GPALPP1: variants seen among roughly 807,000 people sequenced by gnomAD.
GPALPP1 encodes the protein GPALPP motifs-containing protein 1.
Under a neutral mutation model 38.9 loss-of-function variants are expected in GPALPP1, and 30 were observed. The observed-to-expected ratio is 0.77, with a 90% CI of 0.58 to 1.05. The LOEUF (loss-of-function observed/expected upper bound fraction) is 1.05, where lower values mean the gene tolerates loss of function less well. Among genes scored for constraint, GPALPP1 ranks in the 50% least tolerant of loss-of-function variants. GPALPP1 has a pLI of 0.00. For missense variants in GPALPP1, 384 were observed against 408.8 expected, an observed-to-expected ratio of 0.94 and a Z score of 0.52; for synonymous variants, 120 against 139.2, an observed-to-expected ratio of 0.86 and a Z score of 0.97.
chr13:45,032,811 G>A (rs1301870538), downstream of GPALPP1, among the ~76,000 whole-genome samples: 4 of 151,408 alleles, frequency 2.6e-5, no homozygotes, highest in Middle Eastern at 3.4e-3. Context: ...CAAGGCAGGC[G>A]GATTGCCTGA....
chr13:45,011,088 A>G (rs903449547), intron 4 of GPALPP1, among the ~76,000 whole-genome samples: 1 of 152,234 alleles, frequency 6.6e-6, no homozygotes. Context: ...GGCAAGGAAC[A>G]TTGTTCCAGA....
At chr13:45,016,541 A>G (rs1874885334) in intron 6 of GPALPP1, among the ~76,000 whole-genome samples, 1 of 152,210 alleles carries the variant, frequency 6.6e-6, no homozygotes. Flanking sequence ...TTTATTACAA[A>G]ATATTTCATT....
Position 45,014,975 on chromosome 13 carries a change from G to A in GPALPP1, c.432G>A (p.Glu144=), listed in dbSNP as rs776969729. The part of the protein sequence containing the change: ...GQQETDSSED[E]DIIGPMPAKG... ...AGGAAACAGACAGCAGTGAAGATGA[G>A]GATATTATTGGACCAATGCCTGCAA... is the stretch of plus-strand genomic sequence containing the variant. Residue 144 remains glutamate (E), a synonymous_variant, in exon 5 of 8, where the codon GAG becomes GAA. Coordinates refer to ENST00000379151, the MANE Select transcript of GPALPP1 (RefSeq NM_018559.5). The A allele has an allele frequency of 2.5e-6, 4 of 1,604,522 alleles. No individual in the cohort carries two copies. In the South Asian group the frequency reaches 4.5e-5, roughly 18 times the overall value.
chr13:45,026,602 A>T (rs1353980125), intron 7 of GPALPP1, among the ~76,000 whole-genome samples: 6 of 152,214 alleles, frequency 3.9e-5, no homozygotes, highest in Non-Finnish European at 2.9e-5. Context: ...CTTCCCCCTC[A>T]AGTACATTCT....
At chr13:45,032,964 G>T (rs1180763358), downstream of GPALPP1, among the ~76,000 whole-genome samples, 1 of 151,510 alleles carries the variant, frequency 6.6e-6, no homozygotes, top group African/African-American at 2.4e-5. Context: ...TTGAACCCAG[G>T]AGGCGGAGGT....
At chr13:45,000,861 C>T (rs1873622837) in intron 1 of GPALPP1, among the ~76,000 whole-genome samples, 1 of 152,168 alleles carries the variant, frequency 6.6e-6, no homozygotes, top group Non-Finnish European at 1.5e-5. Context: ...TTGATGTTTT[C>T]CTTTTTGCTG....
intron 1 of GPALPP1, among the ~76,000 whole-genome samples, chr13:44,993,190 A>C (rs1274498368): frequency 1.3e-5 from 2 of 152,106 alleles, no homozygotes; most frequent in Admixed American, 1.3e-4. Flanking sequence ...TTGTTTATTC[A>C]TCTGTTGCTG....
Position 45,004,372 on chromosome 13 carries a change from C to T in GPALPP1, c.156C>T (p.Asp52=), listed in dbSNP as rs1220499756. The change falls in exon 2 of 8, where the codon GAC becomes GAT. Residue 52 remains aspartate, a synonymous_variant. Transcript: ENST00000379151. ...CAGATTCATCAGACAGCGATGAAGA[C>T]AGTAGTTCTTTGTACGAAGAAGGAA... ...SSSDSSDSDE[D]SSSLYEEGNQ... 3 of 1,604,130 alleles carry T rather than the reference C, an allele frequency of 1.9e-6. No homozygotes were observed. The highest frequency in any genetic ancestry group is 8.5e-7 in the Non-Finnish European group (1 of 1,170,986).
intron 1 of GPALPP1, among the ~76,000 whole-genome samples, chr13:44,998,980 A>G (rs1245564206): frequency 2.6e-5 from 4 of 152,234 alleles, no homozygotes. Context: ...GGACAACTGT[A>G]CTTTTGACTG....
intron 4 of GPALPP1, among the ~76,000 whole-genome samples, chr13:45,010,215 T>C (rs943082376): frequency 6.6e-6 from 1 of 152,232 alleles, no homozygotes; most frequent in Admixed American, 6.5e-5. Context: ...TGAGCCTTTA[T>C]GCCTGCTGTC....
At chr13:45,030,432 T>C (rs1170286975), downstream of GPALPP1, 3 of 152,284 alleles carry the variant, frequency 2.0e-5, no homozygotes, top group African/African-American at 7.2e-5. Flanking sequence ...CAGGCTGGAG[T>C]AGAGTGGCGT....
chr13:45,017,811 A>C (rs1874980130), intron 6 of GPALPP1, among the ~76,000 whole-genome samples: 2 of 152,340 alleles, frequency 1.3e-5, no homozygotes, highest in Non-Finnish European at 2.9e-5. Context: ...TAGTATTTGC[A>C]GTGGACTCAT....
intron 4 of GPALPP1, among the ~76,000 whole-genome samples, chr13:45,013,485 GCAA>G (rs1463816274): frequency 6.6e-6 from 1 of 152,202 alleles, no homozygotes; most frequent in Non-Finnish European, 1.5e-5. Flanking sequence ...AGTCAGCTGA[GCAA>G]GAAGAATAAG....
intron 1 of GPALPP1, among the ~76,000 whole-genome samples, chr13:44,995,202 A>C (rs565296575): frequency 0.034 from 1,847 of 54,544 alleles, 38 homozygotes; most frequent in African/African-American, 0.063. Flanking sequence ...ACACACACAC[A>C]CCCCTTCTCT....
intron 7 of GPALPP1, among the ~76,000 whole-genome samples, chr13:45,022,419 T>G (rs1286793484): frequency 6.6e-6 from 1 of 151,872 alleles, no homozygotes; most frequent in Non-Finnish European, 1.5e-5. Flanking sequence ...ATATGTATAT[T>G]TATCTTAAAT....
chr13:45,005,424 T>C (rs1471114031), intron 2 of GPALPP1, among the ~76,000 whole-genome samples: 1 of 152,162 alleles, frequency 6.6e-6, no homozygotes, highest in Admixed American at 6.5e-5. Flanking sequence ...TAATCTGGCC[T>C]TACCCACTAT....
At chr13:45,021,761 G>T (rs1225688527) in intron 7 of GPALPP1, among the ~76,000 whole-genome samples, 1 of 152,134 alleles carries the variant, frequency 6.6e-6, no homozygotes, top group Non-Finnish European at 1.5e-5. Context: ...ATATCACAAT[G>T]TGTGGGATGC....
At chr13:45,010,134 T>G (rs1160116314) in intron 4 of GPALPP1, among the ~76,000 whole-genome samples, 2 of 152,328 alleles carry the variant, frequency 1.3e-5, no homozygotes, top group East Asian at 3.8e-4. Flanking sequence ...TGATTTTATC[T>G]TTTGCTTTGA....
intron 2 of GPALPP1, among the ~76,000 whole-genome samples, chr13:45,004,670 CA>C (rs1414482412): frequency 6.6e-6 from 1 of 152,030 alleles, no homozygotes; most frequent in African/African-American, 2.4e-5. Flanking sequence ...TTTCCTGAGA[CA>C]GGGGCTCACT....
Sources: allele counts gnomAD v4.1 joint callset (sites outside exome capture counted in the v4.1 genomes callset), GRCh38; gene constraint gnomAD v4.1.1; transcripts MANE v1.5; gene names NCBI Gene and HGNC (gene_info 2026-07-23, HGNC 2026-07-21).